The following ZC3H12B variants were observed in gnomAD, a reference collection of about 807,000 sequenced individuals.
The protein encoded by ZC3H12B is probable ribonuclease ZC3H12B.
Under a neutral mutation model 43.9 loss-of-function variants are expected in ZC3H12B, and 7 were observed. That is an observed-to-expected ratio of 0.16 (90% CI 0.09 to 0.30). The LOEUF is 0.30. Among genes scored for constraint, ZC3H12B ranks in the 10% least tolerant of loss-of-function variants. The probability of loss-of-function intolerance (pLI) is 1.00; values close to 1 mark genes in which losing one functional copy is unlikely to be tolerated. For missense variants in ZC3H12B, 475 were observed against 670.2 expected (o/e 0.71, Z 3.22); for synonymous variants, 222 against 241.7 (o/e 0.92, Z 0.76).
the ZC3H12B span, among the ~76,000 whole-genome samples, chrX:65,182,466 C>G: frequency 9.1e-6 from 1 of 110,405 alleles, no homozygotes. Flanking sequence ...GGTGCTTGTC[C>G]AAGGTCATGA....
At chrX:65,197,012 C>A in the ZC3H12B span, among the ~76,000 whole-genome samples, 1 of 111,861 alleles carries the variant, frequency 8.9e-6, no homozygotes, top group African/African-American at 3.3e-5. Flanking sequence ...GCAGAGCAAG[C>A]AGTAAGTAAA....
chrX:65,322,803 G>A, the ZC3H12B span, among the ~76,000 whole-genome samples: 1 of 111,151 alleles, frequency 9.0e-6, no homozygotes, highest in Admixed American at 9.6e-5. Flanking sequence ...GATCAGAATA[G>A]CATTGAATAT....
the ZC3H12B span, among the ~76,000 whole-genome samples, chrX:65,104,930 T>C: frequency 3.6e-5 from 4 of 111,879 alleles, no homozygotes; most frequent in Non-Finnish European, 7.5e-5. Flanking sequence ...TTATAAATCA[T>C]TCTACTATAA....
the ZC3H12B span, among the ~76,000 whole-genome samples, chrX:65,053,202 C>T: frequency 9.1e-6 from 1 of 110,451 alleles, no homozygotes; most frequent in Non-Finnish European, 1.9e-5. Flanking sequence ...TGGTGTGCTG[C>T]ACCCATTAAC....
chrX:65,161,125 A>C, the ZC3H12B span, among the ~76,000 whole-genome samples: 1 of 111,107 alleles, frequency 9.0e-6, no homozygotes, highest in Non-Finnish European at 1.9e-5. Flanking sequence ...GGTCTGAGAG[A>C]CACTTTGTTA....
At chrX:65,298,089 G>A in the ZC3H12B span, among the ~76,000 whole-genome samples, 10 of 111,940 alleles carry the variant, frequency 8.9e-5, no homozygotes, top group Non-Finnish European at 1.5e-4. Flanking sequence ...CATTGGCTTA[G>A]GCAAAGACTT....
chrX:65,136,783 A>G, the ZC3H12B span, among the ~76,000 whole-genome samples: 1 of 111,354 alleles, frequency 9.0e-6, no homozygotes, highest in Non-Finnish European at 1.9e-5. Flanking sequence ...TTTACCTTTC[A>G]GTCTTCTTAT....
the ZC3H12B span, among the ~76,000 whole-genome samples, chrX:65,070,183 G>A: frequency 2.7e-5 from 3 of 110,899 alleles, no homozygotes; most frequent in African/African-American, 9.8e-5. Flanking sequence ...GGTTGTATGT[G>A]TTCAGTAATT....
chrX:65,304,467 A>AT, the ZC3H12B span, among the ~76,000 whole-genome samples: 9 of 110,449 alleles, frequency 8.1e-5, no homozygotes, highest in African/African-American at 3.0e-4. Context: ...ATACAAAAAA[A>AT]TAGCCGGGCG....
At chrX:65,485,051 T>C (rs1321676247), upstream of ZC3H12B, among the ~76,000 whole-genome samples, 2 of 112,195 alleles carry the variant, frequency 1.8e-5, no homozygotes, top group Non-Finnish European at 3.8e-5. Flanking sequence ...TTGCAATCAT[T>C]TGCTTGATCA....
chrX:65,192,283 T>A, the ZC3H12B span, among the ~76,000 whole-genome samples: 2 of 111,876 alleles, frequency 1.8e-5, no homozygotes, highest in African/African-American at 6.5e-5. Flanking sequence ...TTTTGTTGAT[T>A]TGGGGTGGAT....
At chrX:65,078,405 A>T in the ZC3H12B span, among the ~76,000 whole-genome samples, 1 of 112,147 alleles carries the variant, frequency 8.9e-6, no homozygotes, top group African/African-American at 3.2e-5. Flanking sequence ...CAGGAAGTAA[A>T]AGAATCGAGT....
intron 2 of ZC3H12B, among the ~76,000 whole-genome samples, chrX:65,498,487 G>A (rs1309981045): frequency 3.6e-5 from 4 of 111,571 alleles, no homozygotes; most frequent in Non-Finnish European, 7.5e-5. Context: ...TTCTTGCCTC[G>A]GCAACTAGGA....
chrX:65,355,919 C>CA, the ZC3H12B span, among the ~76,000 whole-genome samples: 1 of 111,983 alleles, frequency 8.9e-6, no homozygotes, highest in Non-Finnish European at 1.9e-5. Flanking sequence ...AGCACCATTG[C>CA]ACTCCACCCT....
At chrX:65,360,248 G>T in the ZC3H12B span, among the ~76,000 whole-genome samples, 2 of 112,381 alleles carry the variant, frequency 1.8e-5, no homozygotes, top group African/African-American at 6.5e-5. Flanking sequence ...TTGCTTTCTT[G>T]TAGTGGTCTG....
the ZC3H12B span, among the ~76,000 whole-genome samples, chrX:65,176,316 T>C: frequency 5.6e-4 from 63 of 111,717 alleles, no homozygotes; most frequent in African/African-American, 2.0e-3. Flanking sequence ...CCAGAAAGCC[T>C]CTATAGCCAG....
At chrX:65,502,538 T>A in exon 5 of ZC3H12B, 1 of 1,210,921 alleles carries the variant, frequency 8.3e-7, no homozygotes, top group Non-Finnish European at 1.1e-6. Flanking sequence ...TGAAGGCAAT[T>A]TGAAGCTGCA....
chrX:65,129,784 G>A, the ZC3H12B span, among the ~76,000 whole-genome samples: 1 of 110,610 alleles, frequency 9.0e-6, no homozygotes, highest in Admixed American at 9.6e-5. Flanking sequence ...GAGAGATAAT[G>A]GGCAATGTTT....
chrX:65,248,384 G>T, the ZC3H12B span, among the ~76,000 whole-genome samples: 1 of 111,420 alleles, frequency 9.0e-6, no homozygotes, highest in East Asian at 2.8e-4. Flanking sequence ...AGGTATTAAA[G>T]TGACGTTTCA....
Sources: allele counts gnomAD v4.1 joint callset (sites outside exome capture counted in the v4.1 genomes callset), GRCh38; gene constraint gnomAD v4.1.1; transcripts MANE v1.5; gene names NCBI Gene and HGNC (gene_info 2026-07-23, HGNC 2026-07-21).